ELP4: variants seen among roughly 807,000 people sequenced by gnomAD.
The protein encoded by ELP4 is elongator complex protein 4.
A neutral mutation model predicts 48.9 loss-of-function variants in ELP4; 51 were observed. The ratio of observed to expected loss-of-function variants is 1.04; its 90% confidence interval spans 0.83 to 1.32. The LOEUF (loss-of-function observed/expected upper bound fraction) is 1.32, where lower values mean the gene tolerates loss of function less well. ELP4 is among the 40% of genes most tolerant of loss of function. The pLI is 0.00. For missense variants in ELP4, 519 were observed against 514.6 expected (o/e 1.01, Z -0.08); for synonymous variants, 210 against 189.2 (o/e 1.11, Z -0.90).
intron 3 of ELP4, among the ~76,000 whole-genome samples, chr11:31,558,001 C>T (rs905006644): frequency 6.6e-5 from 10 of 152,100 alleles, no homozygotes; most frequent in African/African-American, 2.2e-4. Flanking sequence ...GAAGGCAGAG[C>T]TATAATCAGA....
At position 31,635,092 on chromosome 11, in the gene ELP4, A is replaced by T. The variant is rs530146742; in HGVS notation, c.927+2687A>T. 5.9e-5 allele frequency among the ~76,000 whole-genome samples: 9 copies of T among 152,114 alleles called. No homozygotes were observed. In the East Asian group the frequency reaches 1.7e-3, roughly 29 times the overall value. On this transcript the variant is annotated intron_variant, in intron 7 of 9. Transcript: ENST00000640961. ...TTTTATATGAAAATGTTTAGGAGAA[A>T]ATATAAAACTTGTACTTGTTCAAAC... is the stretch of plus-strand genomic sequence containing the variant.
chr11:31,537,216 G>GT (rs1396327501), intron 2 of ELP4, among the ~76,000 whole-genome samples: 2 of 152,126 alleles, frequency 1.3e-5, no homozygotes, highest in East Asian at 3.8e-4. Flanking sequence ...CAAGATTGAA[G>GT]TTTTTATCGC....
chr11:31,738,879 C>T (rs1164010003), intron 9 of ELP4, among the ~76,000 whole-genome samples: 3 of 152,066 alleles, frequency 2.0e-5, no homozygotes, highest in Non-Finnish European at 4.4e-5. Flanking sequence ...GTCAAACAGT[C>T]AAAAGCAGAA....
intron 9 of ELP4, chr11:31,714,649 G>A: frequency 5.0e-6 from 2 of 398,544 alleles, no homozygotes; most frequent in Non-Finnish European, 8.8e-6. Context: ...CCAAAAAGGG[G>A]TCAGCACAGC....
At chr11:31,608,195 C>T (rs2134008538) in intron 5 of ELP4, among the ~76,000 whole-genome samples, 1 of 151,968 alleles carries the variant, frequency 6.6e-6, no homozygotes, top group Admixed American at 6.6e-5. Context: ...GTAAAGAAAG[C>T]ATCCTTTAGG....
At chr11:31,620,397 C>T (rs898945012) in intron 5 of ELP4, among the ~76,000 whole-genome samples, 4 of 151,928 alleles carry the variant, frequency 2.6e-5, no homozygotes, top group African/African-American at 9.7e-5. Context: ...GAGATCTCAG[C>T]AGGGTCAAAT....
chr11:31,764,129 G>A (rs1236143687), intron 9 of ELP4, among the ~76,000 whole-genome samples: 1 of 151,944 alleles, frequency 6.6e-6, no homozygotes, highest in Non-Finnish European at 1.5e-5. Context: ...CATACTTTAG[G>A]TAAAACCCGA....
At chr11:31,734,372 G>A (rs1036420988) in intron 9 of ELP4, among the ~76,000 whole-genome samples, 4 of 152,124 alleles carry the variant, frequency 2.6e-5, no homozygotes, top group Admixed American at 6.6e-5. Flanking sequence ...GAACAACTAG[G>A]CAATAGAAAG....
intron 9 of ELP4, among the ~76,000 whole-genome samples, chr11:31,764,735 G>A (rs1358628398): frequency 1.3e-5 from 2 of 152,282 alleles, no homozygotes; most frequent in East Asian, 1.9e-4. Context: ...ACAGAGCCTG[G>A]TTGGGTCCTC....
chr11:31,549,264 T>C (rs992813984), intron 3 of ELP4, among the ~76,000 whole-genome samples: 4 of 151,622 alleles, frequency 2.6e-5, no homozygotes, highest in African/African-American at 9.7e-5. Flanking sequence ...ATCCAGAATC[T>C]ACAATGAACT....
intron 3 of ELP4, among the ~76,000 whole-genome samples, chr11:31,587,354 A>G (rs1957493058): frequency 2.0e-5 from 3 of 152,224 alleles, no homozygotes; most frequent in Non-Finnish European, 4.4e-5. Context: ...CACTGAAGTA[A>G]TAGGGGGGAA....
intron 9 of ELP4, among the ~76,000 whole-genome samples, chr11:31,713,822 C>T (rs915478748): frequency 6.6e-6 from 1 of 152,108 alleles, no homozygotes; most frequent in Non-Finnish European, 1.5e-5. Context: ...CCCCTGTGGA[C>T]CTATCAACCT....
At chr11:31,737,008 ACAT>A (rs1947334869) in intron 9 of ELP4, among the ~76,000 whole-genome samples, 1 of 152,240 alleles carries the variant, frequency 6.6e-6, no homozygotes, top group African/African-American at 2.4e-5. Flanking sequence ...CTATAAAGAC[ACAT>A]GCACACGTAT....
At chr11:31,646,000 C>T (rs1945190029) in intron 7 of ELP4, 1 of 148,714 alleles carries the variant, frequency 6.7e-6, no homozygotes, top group Non-Finnish European at 1.5e-5. Flanking sequence ...TGAAGAATAA[C>T]TGGCTGAAAC....
At chr11:31,780,452 A>G (rs1412751353) in intron 9 of ELP4, among the ~76,000 whole-genome samples, 1 of 152,224 alleles carries the variant, frequency 6.6e-6, no homozygotes, top group African/African-American at 2.4e-5. Context: ...AAAATCACAC[A>G]TAGATTCACA....
At chr11:31,745,437 A>G (rs1274135929) in intron 9 of ELP4, among the ~76,000 whole-genome samples, 6 of 152,332 alleles carry the variant, frequency 3.9e-5, no homozygotes, top group Admixed American at 3.9e-4. Flanking sequence ...CGCCAAGTCA[A>G]TCCTAAGCCA....
At chr11:31,552,664 T>C (rs1367973090) in intron 3 of ELP4, among the ~76,000 whole-genome samples, 1 of 152,190 alleles carries the variant, frequency 6.6e-6, no homozygotes, top group Non-Finnish European at 1.5e-5. Flanking sequence ...GTTTATTGCT[T>C]GGCCTCCCTG....
intron 6 of ELP4, among the ~76,000 whole-genome samples, chr11:31,629,316 A>G (rs1173355731): frequency 6.6e-6 from 1 of 151,996 alleles, no homozygotes; most frequent in Non-Finnish European, 1.5e-5. Context: ...ATCTTATGCC[A>G]CACAGTATGC....
chr11:31,518,195 C>T (rs578006310), intron 1 of ELP4, among the ~76,000 whole-genome samples: 101 of 150,916 alleles, frequency 6.7e-4, no homozygotes, highest in African/African-American at 2.2e-3. Context: ...CGACCTCCAC[C>T]TTCCTGGTTC....
Sources: allele counts gnomAD v4.1 joint callset (sites outside exome capture counted in the v4.1 genomes callset), GRCh38; gene constraint gnomAD v4.1.1; transcripts MANE v1.5; gene names NCBI Gene and HGNC (gene_info 2026-07-23, HGNC 2026-07-21).